Variants in STIM1 observed in about 807,000 individuals in gnomAD.
STIM1 encodes stromal interaction molecule 1.
A neutral mutation model predicts 74.7 loss-of-function variants in STIM1; 25 were observed. The observed-to-expected ratio is 0.33, with a 90% confidence interval of 0.24 to 0.47. The LOEUF (loss-of-function observed/expected upper bound fraction) is 0.47. STIM1 is among the 20% of genes least tolerant of loss of function. STIM1 has a pLI of 1.00. For missense variants in STIM1, 728 were observed against 920.8 expected (o/e 0.79, Z 2.71); for synonymous variants, 328 against 348.8 (o/e 0.94, Z 0.66).
intron 1 of STIM1, among the ~76,000 whole-genome samples, chr11:3,904,361 C>T (rs141986272): frequency 2.6e-5 from 4 of 152,142 alleles, no homozygotes; most frequent in Non-Finnish European, 5.9e-5. Context: ...AAGTGCATGG[C>T]ATATTCAGTG....
intron 2 of STIM1, chr11:3,989,042 A>G (rs2093583855): frequency 9.4e-7 from 1 of 1,068,206 alleles, no homozygotes. Flanking sequence ...CTCCTTCTTA[A>G]AAATGTTTCT....
chr11:3,884,191 G>A (rs747048010), intron 1 of STIM1, among the ~76,000 whole-genome samples: 14 of 152,084 alleles, frequency 9.2e-5, no homozygotes, highest in Admixed American at 3.9e-4. Flanking sequence ...CTATCTCTGT[G>A]CTTTGTTACT....
intron 11 of STIM1, 32 bp from the exon 12 acceptor site, chr11:4,086,445 C>CA: frequency 1.2e-6 from 2 of 1,611,948 alleles, no homozygotes; most frequent in African/African-American, 1.3e-5. Flanking sequence ...GTGGGCTGGC[C>CA]CCTCCTGACA....
At chr11:3,875,743 TA>T (rs1475642258) in intron 1 of STIM1, among the ~76,000 whole-genome samples, 1 of 149,618 alleles carries the variant, frequency 6.7e-6, no homozygotes, top group African/African-American at 2.5e-5. Context: ...AAAAAACCCC[TA>T]AAAACAACAA....
At chr11:4,063,243 A>G (rs1310904721) in intron 5 of STIM1, among the ~76,000 whole-genome samples, 1 of 152,256 alleles carries the variant, frequency 6.6e-6, no homozygotes, top group Non-Finnish European at 1.5e-5. Context: ...TGAATTGCCC[A>G]TTTTAAGAGA....
rs903030871 is a variant in STIM1 at position 3,902,617 on chromosome 11, C to T, written c.139+46208C>T. On this transcript the variant is annotated intron_variant, in intron 1 of 12. Coordinates refer to ENST00000526596, the MANE Select transcript of STIM1 (RefSeq NM_001382567.1). ...GAGGCGGAGCTCAGGCAGTAATGCTCGCTTGCCTGCCGCTCACCTCCTGCT... is the reference window on the plus strand; with the variant it reads ...GAGGCGGAGCTCAGGCAGTAATGCTTGCTTGCCTGCCGCTCACCTCCTGCT... 6.6e-5 allele frequency among the ~76,000 whole-genome samples: 10 copies of T among 152,184 alleles called. No individual in the cohort carries two copies. In the South Asian group the frequency reaches 1.7e-3, roughly 25 times the overall value.
At chr11:4,018,599 T>C (rs1340474643) in intron 2 of STIM1, among the ~76,000 whole-genome samples, 1 of 149,750 alleles carries the variant, frequency 6.7e-6, no homozygotes, top group African/African-American at 2.5e-5. Flanking sequence ...GAGCCAGGTT[T>C]GTGCCCCTGC....
At chr11:3,907,593 C>T (rs184711090) in intron 1 of STIM1, among the ~76,000 whole-genome samples, 15 of 152,290 alleles carry the variant, frequency 9.8e-5, no homozygotes, top group Non-Finnish European at 2.9e-5. Context: ...TGCCTGTCTA[C>T]AGTTTATTCT....
At chr11:3,971,450 G>A (rs1590612018) in intron 2 of STIM1, among the ~76,000 whole-genome samples, 2 of 152,090 alleles carry the variant, frequency 1.3e-5, no homozygotes, top group Non-Finnish European at 2.9e-5. Flanking sequence ...AATGGCGTGA[G>A]CCTGGGAGGC....
chr11:4,005,843 A>G (rs140838692), intron 2 of STIM1, among the ~76,000 whole-genome samples: 114 of 152,332 alleles, frequency 7.5e-4, no homozygotes, highest in African/African-American at 2.6e-3. Context: ...GCCTTGAGCA[A>G]CAGCTTCTGA....
At chr11:3,972,983 T>G in intron 2 of STIM1, 1 of 512,064 alleles carries the variant, frequency 2.0e-6, no homozygotes, top group South Asian at 1.4e-5. Flanking sequence ...CCTCCAAAAT[T>G]GCTTTCACTG....
intron 2 of STIM1, among the ~76,000 whole-genome samples, chr11:4,010,843 A>G (rs1194220933): frequency 6.6e-6 from 1 of 151,978 alleles, no homozygotes; most frequent in Non-Finnish European, 1.5e-5. Context: ...TACATTAGGT[A>G]TTTCTTCTAA....
intron 1 of STIM1, among the ~76,000 whole-genome samples, chr11:3,928,956 C>T (rs566378768): frequency 9.2e-5 from 14 of 152,258 alleles, no homozygotes; most frequent in African/African-American, 3.4e-4. Flanking sequence ...CTGCAGCCTC[C>T]GCCTACTGGG....
At chr11:4,000,806 C>A (rs1449163562) in intron 2 of STIM1, among the ~76,000 whole-genome samples, 2 of 152,108 alleles carry the variant, frequency 1.3e-5, no homozygotes, top group African/African-American at 4.8e-5. Context: ...GGAGGAAATT[C>A]AAACCAAAGG....
In STIM1 at chr11:3,892,630, C is replaced by T. The variant is rs571678496; in HGVS notation, c.139+36221C>T. 53 of 1,605,146 alleles carry T rather than the reference C, an allele frequency of 3.3e-5. No homozygotes were observed. The African/African-American group carries it at 5.9e-4, about 18-fold the overall frequency. The stretch of plus-strand genomic sequence containing the variant: ...GACCTGTATGCTTTAGGATGAAGTT[C>T]TCATCATCAAATTTCTCCCCGTAGA... On this transcript the variant is annotated intron_variant, in intron 1 of 12. Transcript: ENST00000526596.
At chr11:4,086,752 CCT>C in intron 12 of STIM1, 1 of 1,537,376 alleles carries the variant, frequency 6.5e-7, no homozygotes, top group Non-Finnish European at 8.7e-7. Flanking sequence ...CCATGTCCAC[CCT>C]GTTTATTACC....
At chr11:3,942,773 G>C (rs2093026689) in intron 1 of STIM1, among the ~76,000 whole-genome samples, 1 of 152,158 alleles carries the variant, frequency 6.6e-6, no homozygotes, top group African/African-American at 2.4e-5. Context: ...CTGGCTTTAA[G>C]TCTCATGTCT....
In STIM1 at chr11:3,917,985, C is replaced by T. The variant is rs972311361; in HGVS notation, c.140-49567C>T. On this transcript the variant is annotated intron_variant, in intron 1 of 12. Coordinates refer to ENST00000526596, the MANE Select transcript of STIM1 (RefSeq NM_001382567.1). ...CTTTCTTTTGCAGGTGACGGAAATACAATTCAGACAGACTTAACCAAGAGA... is the reference window on the plus strand; with the variant it reads ...CTTTCTTTTGCAGGTGACGGAAATATAATTCAGACAGACTTAACCAAGAGA... Among the ~76,000 whole-genome samples, 4 of 152,150 alleles carry T rather than the reference C, an allele frequency of 2.6e-5. No homozygotes were observed. In the East Asian group the frequency reaches 7.7e-4, roughly 29 times the overall value.
chr11:3,949,259 T>G (rs1200388565), intron 1 of STIM1, among the ~76,000 whole-genome samples: 1 of 152,142 alleles, frequency 6.6e-6, no homozygotes, highest in Admixed American at 6.5e-5. Context: ...AGGTGCAGAA[T>G]GGGGCAAGGA....
Sources: allele counts gnomAD v4.1 joint callset (sites outside exome capture counted in the v4.1 genomes callset), GRCh38; gene constraint gnomAD v4.1.1; transcripts MANE v1.5; gene names NCBI Gene and HGNC (gene_info 2026-07-23, HGNC 2026-07-21).